SPAG16: variants seen among roughly 807,000 people sequenced by gnomAD.
The protein encoded by SPAG16 is sperm associated antigen 16.
Under a neutral mutation model 80.4 loss-of-function variants are expected in SPAG16, and 86 were observed. The ratio of observed to expected loss-of-function variants is 1.07; its 90% confidence interval spans 0.90 to 1.28. The LOEUF is 1.28. Ranked by LOEUF, SPAG16 falls within the 50% of genes most tolerant of loss-of-function variation. The pLI is 0.00. For missense variants in SPAG16, 870 were observed against 765.3 expected (o/e 1.14, Z -1.61); for synonymous variants, 294 against 265.9 (o/e 1.11, Z -1.03).
At chr2:214,267,509 A>C (rs1691662914) in intron 15 of SPAG16, among the ~76,000 whole-genome samples, 1 of 151,870 alleles carries the variant, frequency 6.6e-6, no homozygotes, top group African/African-American at 2.4e-5. Flanking sequence ...AGCAGGTTAA[A>C]GCCTTAAATG....
At position 214,185,344 on chromosome 2, in the gene SPAG16, CA is replaced by C. The variant is rs372580248; in HGVS notation, c.1720+36079del. Reference sequence around the variant, plus strand: ...CACCTGATAATTTATGGTTATTGTACAGAAGCTTATTTCTTAGTTACTGGGT... The same window carrying C: ...CACCTGATAATTTATGGTTATTGTACGAAGCTTATTTCTTAGTTACTGGGT... On this transcript the variant is annotated intron_variant, in intron 15 of 15. Coordinates refer to ENST00000331683, the MANE Select transcript of SPAG16 (RefSeq NM_024532.5). Among the ~76,000 whole-genome samples the C allele has an allele frequency of 1.5e-3, 221 of 152,054 alleles. 1 individual carries two copies. The highest frequency in any genetic ancestry group is 2.8e-3 in the Non-Finnish European group (191 of 67,998).
chr2:214,186,956 G>A (rs1366959890), intron 15 of SPAG16, among the ~76,000 whole-genome samples: 4 of 152,008 alleles, frequency 2.6e-5, no homozygotes, highest in Non-Finnish European at 5.9e-5. Context: ...TAGAGACAGG[G>A]TTTTGCCATT....
intron 15 of SPAG16, among the ~76,000 whole-genome samples, chr2:214,283,321 A>C (rs1339475738): frequency 6.6e-6 from 1 of 152,166 alleles, no homozygotes; most frequent in Non-Finnish European, 1.5e-5. Flanking sequence ...TAGTCATGAC[A>C]GCAGCAACAA....
chr2:213,440,454 C>G (rs2070875941), intron 9 of SPAG16, among the ~76,000 whole-genome samples: 1 of 152,134 alleles, frequency 6.6e-6, no homozygotes, highest in Non-Finnish European at 1.5e-5. Flanking sequence ...ACTCTGGAGG[C>G]TGAGGCAGGA....
chr2:213,827,306 T>G (rs962784562), intron 10 of SPAG16, among the ~76,000 whole-genome samples: 9 of 152,064 alleles, frequency 5.9e-5, no homozygotes, highest in Non-Finnish European at 1.3e-4. Context: ...GTGATTTGTT[T>G]TAATTTCTTG....
chr2:213,531,770 C>G (rs2076075641), intron 10 of SPAG16, among the ~76,000 whole-genome samples: 1 of 152,112 alleles, frequency 6.6e-6, no homozygotes, highest in Non-Finnish European at 1.5e-5. Flanking sequence ...AAAGGTCCTT[C>G]TTTTTTACTA....
At chr2:214,354,176 T>A (rs1027793553) in intron 15 of SPAG16, among the ~76,000 whole-genome samples, 1 of 152,180 alleles carries the variant, frequency 6.6e-6, no homozygotes, top group Non-Finnish European at 1.5e-5. Flanking sequence ...CATTTTTGTA[T>A]AAGGTGTAAG....
intron 10 of SPAG16, among the ~76,000 whole-genome samples, chr2:213,690,341 C>T (rs116296914): frequency 6.6e-6 from 1 of 152,316 alleles, no homozygotes; most frequent in African/African-American, 2.4e-5. Context: ...GGCTCTCCAG[C>T]AAGGGCTGCA....
At chr2:214,287,285 C>A (rs1693436733) in intron 15 of SPAG16, among the ~76,000 whole-genome samples, 1 of 152,142 alleles carries the variant, frequency 6.6e-6, no homozygotes, top group South Asian at 2.1e-4. Context: ...AATTTCATTT[C>A]TTTTATCTTT....
chr2:213,664,127 T>C (rs2063518800), intron 10 of SPAG16, among the ~76,000 whole-genome samples: 2 of 152,072 alleles, frequency 1.3e-5, no homozygotes, highest in Admixed American at 1.3e-4. Flanking sequence ...CCCTGTCATA[T>C]TGCCTTTTCT....
At chr2:213,835,632 A>G (rs549606187) in intron 10 of SPAG16, among the ~76,000 whole-genome samples, 1 of 152,310 alleles carries the variant, frequency 6.6e-6, no homozygotes, top group Admixed American at 6.5e-5. Context: ...GTGATTACAT[A>G]ATGAAAATAA....
At chr2:213,359,717 C>T (rs531530354) in intron 7 of SPAG16, among the ~76,000 whole-genome samples, 1 of 152,284 alleles carries the variant, frequency 6.6e-6, no homozygotes, top group Admixed American at 6.5e-5. Context: ...AATCCCCCAA[C>T]CCCTTGCACT....
At chr2:214,295,145 AT>A (rs1273700326) in intron 15 of SPAG16, among the ~76,000 whole-genome samples, 1 of 152,138 alleles carries the variant, frequency 6.6e-6, no homozygotes, top group African/African-American at 2.4e-5. Flanking sequence ...ACTTCACTCC[AT>A]TTTTGATACC....
intron 10 of SPAG16, among the ~76,000 whole-genome samples, chr2:213,686,866 G>C (rs2064706703): frequency 6.6e-6 from 1 of 151,360 alleles, no homozygotes; most frequent in Non-Finnish European, 1.5e-5. Flanking sequence ...TGTATTTTTA[G>C]CAGAGGTGGG....
chr2:214,084,277 C>T (rs1156766413), intron 13 of SPAG16, among the ~76,000 whole-genome samples: 1 of 152,148 alleles, frequency 6.6e-6, no homozygotes, highest in Non-Finnish European at 1.5e-5. Context: ...AAAATAATTT[C>T]TCTGCCTAAG....
intron 12 of SPAG16, among the ~76,000 whole-genome samples, chr2:213,997,381 A>C (rs2046573490): frequency 6.6e-6 from 1 of 152,208 alleles, no homozygotes; most frequent in Non-Finnish European, 1.5e-5. Flanking sequence ...GGTTCGGCCT[A>C]CATAACAGAA....
At chr2:214,168,760 G>A (rs1007849915) in intron 15 of SPAG16, among the ~76,000 whole-genome samples, 1 of 152,054 alleles carries the variant, frequency 6.6e-6, no homozygotes, top group Non-Finnish European at 1.5e-5. Flanking sequence ...AATGAATAAG[G>A]AAATTAAGAT....
At chr2:214,062,089 T>C (rs1178235570) in intron 13 of SPAG16, among the ~76,000 whole-genome samples, 1 of 151,838 alleles carries the variant, frequency 6.6e-6, no homozygotes, top group African/African-American at 2.4e-5. Flanking sequence ...GCATTTCTAT[T>C]GTGATCTTTA....
intron 15 of SPAG16, among the ~76,000 whole-genome samples, chr2:214,163,587 T>C (rs186125359): frequency 1.5e-4 from 22 of 148,288 alleles, no homozygotes; most frequent in Non-Finnish European, 1.6e-4. Context: ...TATATATATA[T>C]ACACACACAT....
Sources: gnomAD v4.1 joint callset for allele counts (sites outside exome capture counted in the v4.1 genomes callset) on GRCh38, gnomAD v4.1.1 for gene constraint, MANE v1.5 for transcripts, NCBI Gene and HGNC (gene_info 2026-07-23, HGNC 2026-07-21) for gene names.